EPS8: variants seen among roughly 807,000 people sequenced by gnomAD.
EPS8 encodes the protein EGFR pathway substrate 8, signaling adaptor.
Under a neutral mutation model 103.8 loss-of-function variants are expected in EPS8, and 42 were observed. That is an observed-to-expected ratio of 0.40 (90% confidence interval 0.32 to 0.52). The LOEUF (loss-of-function observed/expected upper bound fraction) is 0.52. Among genes scored for constraint, EPS8 ranks in the 20% least tolerant of loss-of-function variants. The pLI is 0.40. For synonymous variants in EPS8, 344 were observed against 344.6 expected, an observed-to-expected ratio of 1.00 and a Z score of 0.02; for missense variants, 969 against 1,005.1, an observed-to-expected ratio of 0.96 and a Z score of 0.49.
intron 8 of EPS8, among the ~76,000 whole-genome samples, chr12:15,663,885 C>T (rs1208288594): frequency 5.2e-5 from 7 of 135,016 alleles, no homozygotes; most frequent in Admixed American, 4.8e-4. Context: ...CGCACCACTG[C>T]ACTCCAGCCT....
rs1019321182 is a variant in EPS8 at position 15,727,440 on chromosome 12, T to C, written c.-21-44468A>G. The stretch of plus-strand genomic sequence containing the variant: ...TTCTTGTGTTTTATTTTAAACATAA[T>C]TGAAACACTTTAATATTTCCTTTAA... On this transcript the variant is annotated intron_variant, in intron 1 of 20. Coordinates refer to ENST00000281172, the MANE Select transcript of EPS8 (RefSeq NM_004447.6). This position sits in a 1 kb window ranked among gnomAD's most constrained non-coding sequence, Gnocchi z 4.3. Among the ~76,000 whole-genome samples, 1 of 152,246 alleles carries C rather than the reference T, an allele frequency of 6.6e-6. No homozygotes were observed. The highest frequency in any genetic ancestry group is 1.5e-5 in the Non-Finnish European group (1 of 68,038).
chr12:15,727,560 C>A lies in EPS8; in HGVS notation c.-21-44588G>T, dbSNP rs1565520236. Among the ~76,000 whole-genome samples the A allele has an allele frequency of 6.6e-6, 1 of 152,138 alleles. No individual in the cohort carries two copies. Among genetic ancestry groups the A allele is most frequent in the Admixed American group, 6.5e-5 (1 of 15,268 alleles). ...AAGCAAGGTATTTAAAATTCTGACT[C>A]ATTAAAATAAAGAATAAGGCTGGGC... On this transcript the variant is annotated intron_variant, in intron 1 of 20. Transcript: ENST00000281172. This position sits in a 1 kb window ranked among gnomAD's most constrained non-coding sequence, Gnocchi z 4.3.
rs1946863162 is a variant in EPS8, at chr12:15,745,131, TA to T, written c.-22+44029del. 6.6e-6 allele frequency among the ~76,000 whole-genome samples: 1 copy of T among 152,156 alleles called. No individual in the cohort carries two copies. Among genetic ancestry groups the T allele is most frequent in the African/African-American group, 2.4e-5 (1 of 41,444 alleles). On this transcript the variant is annotated intron_variant, in intron 1 of 20. Coordinates refer to ENST00000281172, the MANE Select transcript of EPS8 (RefSeq NM_004447.6). This position sits in a 1 kb window ranked among gnomAD's most constrained non-coding sequence, Gnocchi z 4.6. ...CCACCTCAGCCTCCCAAAGTGCTGGTATTATAGGCGTGAGCCACCATGCCTG... is the reference window on the plus strand; with the variant it reads ...CCACCTCAGCCTCCCAAAGTGCTGGTTTATAGGCGTGAGCCACCATGCCTG...
intron 14 of EPS8, among the ~76,000 whole-genome samples, chr12:15,650,578 G>A (rs934972673): frequency 6.6e-6 from 1 of 152,078 alleles, no homozygotes; most frequent in Admixed American, 6.6e-5. Flanking sequence ...ACAAGGGGAG[G>A]GGTGGGGGCT....
intron 13 of EPS8, among the ~76,000 whole-genome samples, chr12:15,652,250 G>A (rs1451116005): frequency 6.6e-6 from 1 of 152,140 alleles, no homozygotes; most frequent in Non-Finnish European, 1.5e-5. Flanking sequence ...TTTCATGAAG[G>A]TAGAGAGTAG....
rs150606476 is a variant in EPS8, at chr12:15,657,468, A to G, written c.1101+611T>C. Among the ~76,000 whole-genome samples, 730 of 152,336 alleles carry G rather than the reference A, an allele frequency of 4.8e-3. 5 individuals are homozygous for G. Among genetic ancestry groups the G allele is most frequent in the Middle Eastern group, 0.017 (5 of 292 alleles). ...TGATTTTTAGACTACTGTATTATGC[A>G]GACATTTATTTAGGTTATTGGCTAC... is the stretch of plus-strand genomic sequence containing the variant. On this transcript the variant is annotated intron_variant, in intron 12 of 20. Transcript: ENST00000281172.
chr12:15,741,478 G>A (rs1946822252), intron 1 of EPS8, among the ~76,000 whole-genome samples: 1 of 152,150 alleles, frequency 6.6e-6, no homozygotes, highest in Non-Finnish European at 1.5e-5. Context: ...GGGGTAGAAG[G>A]GGAAAGTGAC....
chr12:15,658,228 A>G (rs1945542377), intron 11 of EPS8, 75 bp from the exon 12 acceptor site: 2 of 961,698 alleles, frequency 2.1e-6, no homozygotes, highest in Non-Finnish European at 3.3e-6. Flanking sequence ...ACATAGACAC[A>G]GAGGGGACGG....
In EPS8 at chr12:15,734,404, A is replaced by T. The variant is rs558906955; in HGVS notation, c.-21-51432T>A. ...ATTCAAAAGTTTCATGCTTAAAAAG[A>T]TTCTCTGTGGTTGGGCACGGTGGCT... On this transcript the variant is annotated intron_variant, in intron 1 of 20. Transcript: ENST00000281172. The surrounding 1 kb of genome is among the most constrained non-coding windows in gnomAD (Gnocchi z 4.1). Among the ~76,000 whole-genome samples, 3 of 152,252 alleles carry T rather than the reference A, an allele frequency of 2.0e-5. No homozygotes were observed. Among genetic ancestry groups the T allele is most frequent in the Admixed American group, 6.5e-5 (1 of 15,292 alleles).
In EPS8 at chr12:15,735,096, A is replaced by G. The variant is rs939121514; in HGVS notation, c.-21-52124T>C. On this transcript the variant is annotated intron_variant, in intron 1 of 20. Transcript: ENST00000281172. This position sits in a 1 kb window ranked among gnomAD's most constrained non-coding sequence, Gnocchi z 4.4. ...GGATAACTGTAGTATTCCCAGGTAC[A>G]TGCAAATGACAAAGTTTCCAAAGAA... Among the ~76,000 whole-genome samples the G allele has an allele frequency of 1.3e-5, 2 of 152,216 alleles. No homozygotes were observed. The highest frequency in any genetic ancestry group is 2.9e-5 in the Non-Finnish European group (2 of 68,044).
At chr12:15,729,605 C>A (rs959901772) in intron 1 of EPS8, among the ~76,000 whole-genome samples, 2 of 152,144 alleles carry the variant, frequency 1.3e-5, no homozygotes, top group African/African-American at 4.8e-5. Context: ...TTGTGTCCCA[C>A]AAATTTTGAT....
Position 15,695,444 on chromosome 12 carries a change from C to G in EPS8, c.-21-12472G>C, listed in dbSNP as rs938010546. On this transcript the variant is annotated intron_variant, in intron 1 of 20. Coordinates refer to ENST00000281172, the MANE Select transcript of EPS8 (RefSeq NM_004447.6). The surrounding 1 kb of genome is among the most constrained non-coding windows in gnomAD (Gnocchi z 5.0). ...AGAAATGCACTATATTAGCACTGCT[C>G]AATACAGTAGCTGAGCACAAGTGTT... is the stretch of plus-strand genomic sequence containing the variant. Among the ~76,000 whole-genome samples the G allele has an allele frequency of 6.6e-6, 1 of 152,222 alleles. No individual in the cohort carries two copies. Among genetic ancestry groups the G allele is most frequent in the South Asian group, 2.1e-4 (1 of 4,826 alleles).
chr12:15,649,614 C>T (rs1176623384), intron 14 of EPS8, among the ~76,000 whole-genome samples: 2 of 151,312 alleles, frequency 1.3e-5, no homozygotes, highest in Admixed American at 6.6e-5. Flanking sequence ...TATAATACAG[C>T]CAGAGGGAAA....
rs1947296911 is a variant in EPS8, at chr12:15,785,005, T to A, written c.-22+4156A>T. ...CCAGGGGATTTGTAATGTGTTGAAATTATTCGGTATGATACTATGATCCTA... is the reference window on the plus strand; with the variant it reads ...CCAGGGGATTTGTAATGTGTTGAAAATATTCGGTATGATACTATGATCCTA... On this transcript the variant is annotated intron_variant, in intron 1 of 20. Transcript: ENST00000281172. This position sits in a 1 kb window ranked among gnomAD's most constrained non-coding sequence, Gnocchi z 4.9. Among the ~76,000 whole-genome samples, 2 of 152,062 alleles carry A rather than the reference T, an allele frequency of 1.3e-5. No homozygotes were observed. The highest frequency in any genetic ancestry group is 1.3e-4 in the Admixed American group (2 of 15,276).
rs1352004197 is a variant in EPS8 at position 15,777,547 on chromosome 12, CT to C, written c.-22+11613del. Among the ~76,000 whole-genome samples the C allele has an allele frequency of 6.6e-6, 1 of 152,152 alleles. No individual in the cohort carries two copies. Among genetic ancestry groups the C allele is most frequent in the Non-Finnish European group, 1.5e-5 (1 of 68,010 alleles). On this transcript the variant is annotated intron_variant, in intron 1 of 20. Transcript: ENST00000281172. The surrounding 1 kb of genome is among the most constrained non-coding windows in gnomAD (Gnocchi z 4.7). ...CAATCCCTCCTTTGTTTCAAACCCC[CT>C]AGCAGCCTAAACTTAACCTTCACTG...
chr12:15,644,697 CA>C (rs10559403), intron 15 of EPS8, among the ~76,000 whole-genome samples: 110,847 of 122,224 alleles, frequency 0.91, 50,202 homozygotes, highest in East Asian at 0.97. Flanking sequence ...GACTCTGTCT[CA>C]AAAAAAAAAA....
In EPS8 at chr12:15,759,493, T is replaced by G. The variant is rs1267701109; in HGVS notation, c.-22+29668A>C. ...CTAAAAAGTCTTCAGTCTCTTAAACTTCAGTAGGAAAAACAGAATTCCAAT... is the reference window on the plus strand; with the variant it reads ...CTAAAAAGTCTTCAGTCTCTTAAACGTCAGTAGGAAAAACAGAATTCCAAT... On this transcript the variant is annotated intron_variant, in intron 1 of 20. Transcript: ENST00000281172. The surrounding 1 kb of genome is among the most constrained non-coding windows in gnomAD (Gnocchi z 4.9). Among the ~76,000 whole-genome samples the G allele has an allele frequency of 6.6e-6, 1 of 152,104 alleles. No homozygotes were observed. The highest frequency in any genetic ancestry group is 1.5e-5 in the Non-Finnish European group (1 of 67,954).
At position 15,762,229 on chromosome 12, in the gene EPS8, A is replaced by G. The variant is rs1947049180; in HGVS notation, c.-22+26932T>C. 6.6e-6 allele frequency among the ~76,000 whole-genome samples: 1 copy of G among 152,202 alleles called. No individual in the cohort carries two copies. The highest frequency in any genetic ancestry group is 2.4e-5 in the African/African-American group (1 of 41,458). On this transcript the variant is annotated intron_variant, in intron 1 of 20. Transcript: ENST00000281172. The surrounding 1 kb of genome is among the most constrained non-coding windows in gnomAD (Gnocchi z 4.8). ...CAGAGAAATGCAAATTAAAACTACA[A>G]TAAGATATCATCTCATGCTAGTTAA...
In EPS8 at chr12:15,644,779, T is replaced by C. The variant is rs145934823; in HGVS notation, c.1568+2348A>G. On this transcript the variant is annotated intron_variant, in intron 15 of 20. Transcript: ENST00000281172. Reference sequence around the variant, plus strand: ...TATCTACTGCATTCCTGGTATGTAATAGAGTTTAAGGTCAACAATAATTAT... The same window carrying C: ...TATCTACTGCATTCCTGGTATGTAACAGAGTTTAAGGTCAACAATAATTAT... Among the ~76,000 whole-genome samples, 579 of 152,178 alleles carry C rather than the reference T, an allele frequency of 3.8e-3. 2 individuals carry two copies. Among genetic ancestry groups the C allele is most frequent in the African/African-American group, 0.012 (507 of 41,528 alleles).
Sources: gnomAD v4.1 joint callset for allele counts (sites outside exome capture counted in the v4.1 genomes callset) on GRCh38, gnomAD v4.1.1 for gene constraint, Gnocchi (gnomAD v3.1) non-coding constraint, MANE v1.5 for transcripts, NCBI Gene and HGNC (gene_info 2026-07-23, HGNC 2026-07-21) for gene names.